The following DMD variants were observed in gnomAD, a reference collection of about 807,000 sequenced individuals.
DMD encodes mutant dystrophin.
A neutral mutation model predicts 330.1 loss-of-function variants in DMD; 63 were observed. The observed-to-expected ratio is 0.19, with a 90% CI of 0.16 to 0.24. DMD has a LOEUF of 0.24. DMD is among the 10% of genes least tolerant of loss of function. The probability of loss-of-function intolerance (pLI) is 1.00; values close to 1 mark genes in which losing one functional copy is unlikely to be tolerated. For synonymous variants in DMD, 1,223 were observed against 959.8 expected (o/e 1.27, Z -5.07); for missense variants, 3,344 against 2,684.1 (o/e 1.25, Z -5.43).
intron 1 of DMD, among the ~76,000 whole-genome samples, chrX:33,190,874 TATATAA>T (rs1459851537): frequency 0.57 from 9,429 of 16,452 alleles, 3,746 homozygotes; most frequent in Non-Finnish European, 0.82. Context: ...TATATATATA[TATATAA>T]TATATAATAT....
At chrX:32,713,774 AGT>A (rs2065414907) in intron 7 of DMD, among the ~76,000 whole-genome samples, 1 of 111,792 alleles carries the variant, frequency 8.9e-6, no homozygotes, top group African/African-American at 3.3e-5. Context: ...TGGGCATGTG[AGT>A]GTGTAATTAT....
intron 44 of DMD, among the ~76,000 whole-genome samples, chrX:32,147,877 CT>C (rs779461772): frequency 0.046 from 4,069 of 87,789 alleles, 104 homozygotes; most frequent in Admixed American, 0.12. Context: ...AAAATTTCTT[CT>C]TTTTTTTTTT....
intron 44 of DMD, among the ~76,000 whole-genome samples, chrX:32,040,854 G>A (rs1053291565): frequency 2.7e-5 from 3 of 111,131 alleles, no homozygotes; most frequent in Non-Finnish European, 5.7e-5. Context: ...TTGAGGCCTT[G>A]AGAAGGGGAC....
rs931102099 is a variant in DMD, at chrX:31,248,827, C to G, written c.9286+12128G>C. On this transcript the variant is annotated intron_variant, in intron 63 of 78. Transcript: ENST00000357033. ...CGGCAATAGGTCTGGCTAACTGTGT[C>G]TCCTTCCTGGCTCCAGCTCCCTCGG... Among the ~76,000 whole-genome samples, 8 of 111,469 alleles carry G rather than the reference C, an allele frequency of 7.2e-5. No homozygotes were observed. In the East Asian group the frequency reaches 2.3e-3, roughly 32 times the overall value.
At chrX:32,651,381 C>A (rs1376645047) in intron 9 of DMD, among the ~76,000 whole-genome samples, 1 of 111,353 alleles carries the variant, frequency 9.0e-6, no homozygotes, top group Non-Finnish European at 1.9e-5. Context: ...GACCTCAGGT[C>A]ATCCGCCCAC....
At chrX:33,188,861 G>GA (rs1304616612) in intron 1 of DMD, among the ~76,000 whole-genome samples, 1 of 111,145 alleles carries the variant, frequency 9.0e-6, no homozygotes, top group African/African-American at 3.3e-5. Flanking sequence ...GATGAGATTA[G>GA]AACACAGACA....
Position 32,464,613 on chromosome X carries a change from A to T in DMD, c.3249T>A (p.Ile1083=), listed in dbSNP as rs1235726996. The change falls in exon 24 of 79, where the codon ATT becomes ATA. Residue 1083 remains isoleucine, a synonymous_variant. Transcript: ENST00000357033. ...EEWPALGDSE[I]LKKQLKQCRL... ...TGCACTGTTTCAGCTGCTTTTTTAGAATTTCTGAATCCCCAAGGGCAGGCC... is the reference window on the plus strand; with the variant it reads ...TGCACTGTTTCAGCTGCTTTTTTAGTATTTCTGAATCCCCAAGGGCAGGCC... The T allele has an allele frequency of 2.5e-6, 3 of 1,208,720 alleles. No individual in the cohort carries two copies. The highest frequency in any genetic ancestry group is 3.4e-6 in the Non-Finnish European group (3 of 892,680).
In DMD at chrX:32,467,263, G is replaced by A. The variant is rs748411798; in HGVS notation, c.3162+1235C>T. ...TTTTCCATCATACCATAACGTTTTC[G>A]ACATTTCCTTCCCAGCATTAACATT... On this transcript the variant is annotated intron_variant, in intron 23 of 78. Transcript: ENST00000357033. Among the ~76,000 whole-genome samples the A allele has an allele frequency of 9.9e-5, 11 of 111,605 alleles. No individual in the cohort carries two copies. In the South Asian group the frequency reaches 3.0e-3, roughly 30 times the overall value.
intron 7 of DMD, among the ~76,000 whole-genome samples, chrX:32,770,463 G>C (rs779130325): frequency 9.0e-6 from 1 of 111,530 alleles, no homozygotes; most frequent in Non-Finnish European, 1.9e-5. Flanking sequence ...AAATGTTTAC[G>C]TGTTCTTGGA....
intron 43 of DMD, among the ~76,000 whole-genome samples, chrX:32,257,375 A>G (rs1228424467): frequency 1.8e-5 from 2 of 111,797 alleles, no homozygotes; most frequent in East Asian, 2.8e-4. Flanking sequence ...CCTAAGTAAA[A>G]TGAACAAAGC....
At chrX:32,696,043 G>A (rs771586168) in intron 9 of DMD, among the ~76,000 whole-genome samples, 1 of 112,076 alleles carries the variant, frequency 8.9e-6, no homozygotes, top group Admixed American at 9.5e-5. Flanking sequence ...TGATGTGTCT[G>A]GGGAGTGAGG....
At chrX:32,882,931 GC>G (rs2084104016) in intron 2 of DMD, among the ~76,000 whole-genome samples, 1 of 112,270 alleles carries the variant, frequency 8.9e-6, no homozygotes. Context: ...AGTGTATGCA[GC>G]TTTCTTAACA....
intron 42 of DMD, among the ~76,000 whole-genome samples, chrX:32,304,605 T>C (rs773072108): frequency 8.3e-4 from 93 of 111,554 alleles, no homozygotes; most frequent in African/African-American, 2.9e-3. Flanking sequence ...AAAAATAATG[T>C]ACTATGGAAA....
chrX:31,227,489 C>T (rs1468654680), intron 63 of DMD, among the ~76,000 whole-genome samples: 2 of 111,865 alleles, frequency 1.8e-5, no homozygotes, highest in Non-Finnish European at 3.8e-5. Context: ...AAGTCCAATC[C>T]ATTCTCAAAC....
At chrX:32,127,957 A>T (rs909671184) in intron 44 of DMD, among the ~76,000 whole-genome samples, 2 of 112,480 alleles carry the variant, frequency 1.8e-5, no homozygotes, top group African/African-American at 6.5e-5. Flanking sequence ...CAAGAATGCC[A>T]GTTATGTCCA....
rs1349052255 is a variant in DMD at position 32,454,772 on chromosome X, C to A, written c.3493G>T (p.Asp1165Tyr). The A allele has an allele frequency of 1.7e-6, 2 of 1,206,589 alleles. No homozygotes were observed. Among genetic ancestry groups the A allele is most frequent in the Non-Finnish European group, 2.2e-6 (2 of 892,644 alleles). The change falls in exon 26 of 79, where the codon GAT (aspartate) becomes TAT (tyrosine). Residue 1165 changes from aspartate (D) to tyrosine (Y), a missense_variant. By Grantham distance (160) the Asp-to-Tyr change is radical. Coordinates refer to ENST00000357033, the MANE Select transcript of DMD (RefSeq NM_004006.3). ...GLEKTVSLQKDLSEMHEWMTQ... is the reference protein window; with the variant it reads ...GLEKTVSLQKYLSEMHEWMTQ... ...ATCCATTCGTGCATCTCTGATAGAT[C>A]TTTCTGGAGGCTTACAGTTTTCTCC...
chrX:32,417,953 TAAA>T (rs761738473), intron 29 of DMD, among the ~76,000 whole-genome samples: 1 of 96,051 alleles, frequency 1.0e-5, no homozygotes. Context: ...GAAGTGCAGT[TAAA>T]AAAAAAAAAA....
chrX:31,593,019 T>G (rs1273801739), intron 55 of DMD, among the ~76,000 whole-genome samples: 1 of 111,255 alleles, frequency 9.0e-6, no homozygotes, highest in Non-Finnish European at 1.9e-5. Flanking sequence ...CCTAGATTTT[T>G]TATTCTTATA....
intron 44 of DMD, among the ~76,000 whole-genome samples, chrX:32,119,184 G>A (rs761704929): frequency 1.1e-3 from 121 of 110,495 alleles, no homozygotes; most frequent in Non-Finnish European, 1.8e-3. Flanking sequence ...GCAAAACTTA[G>A]CAGGGCCTGG....
Sources: allele counts gnomAD v4.1 joint callset (sites outside exome capture counted in the v4.1 genomes callset), GRCh38; gene constraint gnomAD v4.1.1; transcripts MANE v1.5; gene names NCBI Gene and HGNC (gene_info 2026-07-23, HGNC 2026-07-21).